FAM20A: variants seen among roughly 807,000 people sequenced by gnomAD.
The protein encoded by FAM20A is pseudokinase FAM20A.
In FAM20A, 42 loss-of-function variants were observed where a neutral mutation model predicts 52.0. The ratio of observed to expected loss-of-function variants is 0.81; its 90% CI spans 0.63 to 1.04. The LOEUF (loss-of-function observed/expected upper bound fraction) is 1.04. Ranked by LOEUF, FAM20A falls within the 50% of genes least tolerant of loss-of-function variation. FAM20A has a pLI of 0.00. For missense variants in FAM20A, 742 were observed against 712.7 expected (o/e 1.04, Z -0.47); for synonymous variants, 304 against 298.9 (o/e 1.02, Z -0.18).
At chr17:68,591,248 G>A (rs149762396) in intron 1 of FAM20A, among the ~76,000 whole-genome samples, 3 of 152,136 alleles carry the variant, frequency 2.0e-5, no homozygotes, top group East Asian at 1.9e-4. Flanking sequence ...CTGGGCGCCC[G>A]CCGCCACGCC....
intron 3 of FAM20A, among the ~76,000 whole-genome samples, chr17:68,552,582 C>CT (rs573981377): frequency 6.6e-6 from 1 of 151,748 alleles, no homozygotes; most frequent in Non-Finnish European, 1.5e-5. Flanking sequence ...CAATACCTCA[C>CT]TCACCTTGTG....
chr17:68,555,775 A>G, intron 1 of FAM20A, 32 bp from the exon 2 acceptor site: 1 of 1,612,976 alleles, frequency 6.2e-7, no homozygotes. Flanking sequence ...TCATTAGAGG[A>G]ACAAGAATGC....
intron 10 of FAM20A, among the ~76,000 whole-genome samples, chr17:68,539,112 A>G (rs1018086598): frequency 6.6e-6 from 1 of 152,216 alleles, no homozygotes. Context: ...ATGCAGTAAA[A>G]ATACCATATT....
chr17:68,544,341 G>C (rs1391768357), intron 4 of FAM20A, among the ~76,000 whole-genome samples: 1 of 152,158 alleles, frequency 6.6e-6, no homozygotes, highest in Non-Finnish European at 1.5e-5. Context: ...ATGAATTCCT[G>C]AAAAGCGCCA....
At chr17:68,590,611 A>T (rs2088277458) in intron 1 of FAM20A, among the ~76,000 whole-genome samples, 1 of 152,254 alleles carries the variant, frequency 6.6e-6, no homozygotes, top group Admixed American at 6.5e-5. Context: ...GTTGGTATAA[A>T]AAGTCTGCAC....
Position 68,536,480 on chromosome 17 carries a change from A to G in FAM20A, c.*997T>C, listed in dbSNP as rs1463089934. ...AGGAATCCCTACTACACTTTCTTCT[A>G]AGGGAGGCTTCAATAAAAAACCTGA... On this transcript the variant is annotated 3_prime_UTR_variant, in exon 11 of 11. Transcript: ENST00000592554. 1 of 454,104 alleles carries G rather than the reference A, an allele frequency of 2.2e-6. No individual in the cohort carries two copies. The highest frequency in any genetic ancestry group is 4.4e-6 in the Non-Finnish European group (1 of 226,780). The allele number at this position is 454,104 out of a possible 1,614,324, so 28.1% of individuals were successfully genotyped here. A position where few individuals can be genotyped will look rare whatever the true frequency, so the allele number is the denominator to read the frequency against.
At chr17:68,569,721 G>A (rs1256314616) in intron 1 of FAM20A, among the ~76,000 whole-genome samples, 2 of 152,154 alleles carry the variant, frequency 1.3e-5, no homozygotes, top group Non-Finnish European at 2.9e-5. Flanking sequence ...CAGTGGTCTA[G>A]GTTCATGTTC....
At chr17:68,550,068 C>T (rs750610755) in intron 4 of FAM20A, among the ~76,000 whole-genome samples, 7 of 151,998 alleles carry the variant, frequency 4.6e-5, no homozygotes, top group African/African-American at 1.4e-4. Flanking sequence ...CCGGTTACAA[C>T]GGGTTGATGG....
chr17:68,583,308 C>T (rs2088067234), intron 1 of FAM20A, among the ~76,000 whole-genome samples: 1 of 152,108 alleles, frequency 6.6e-6, no homozygotes, highest in Admixed American at 6.6e-5. Flanking sequence ...TCTCTCAGTT[C>T]TGGAGTCTGA....
chr17:68,542,211 A>G, intron 6 of FAM20A, 46 bp from the exon 7 acceptor site: 1 of 1,603,058 alleles, frequency 6.2e-7, no homozygotes, highest in Non-Finnish European at 8.5e-7. Context: ...AGGGCTCTGG[A>G]GGCATGACAT....
intron 1 of FAM20A, among the ~76,000 whole-genome samples, chr17:68,586,956 ATGTCG>A (rs1467263193): frequency 1.3e-5 from 2 of 151,528 alleles, no homozygotes; most frequent in African/African-American, 4.9e-5. Flanking sequence ...CAGTGGTGTG[ATGTCG>A]TTCACTGCAA....
chr17:68,572,389 C>G (rs556217417), intron 1 of FAM20A, among the ~76,000 whole-genome samples: 2 of 152,286 alleles, frequency 1.3e-5, no homozygotes, highest in East Asian at 3.9e-4. Context: ...ATTTGTTGAG[C>G]ACTTTCAGAG....
chr17:68,541,332 TC>T (rs1165428045), intron 7 of FAM20A: 2 of 269,606 alleles, frequency 7.4e-6, no homozygotes, highest in East Asian at 1.8e-4. Flanking sequence ...CATGGGCTGT[TC>T]CTGCCCTTTC....
chr17:68,548,934 G>A (rs377393126), intron 4 of FAM20A, among the ~76,000 whole-genome samples: 11 of 151,576 alleles, frequency 7.3e-5, no homozygotes, highest in East Asian at 4.0e-4. Context: ...GGGTTTCACC[G>A]TGTTAGCCAG....
At position 68,542,170 on chromosome 17, in the gene FAM20A, A is replaced by C; in HGVS notation, c.929-5T>G. The C allele has an allele frequency of 1.2e-6, 2 of 1,613,432 alleles. No homozygotes were observed. Among genetic ancestry groups the C allele is most frequent in the Non-Finnish European group, 1.7e-6 (2 of 1,179,650 alleles). On this transcript the variant is annotated splice_region_variant and splice_polypyrimidine_tract_variant and intron_variant, in intron 6 of 10. Coordinates refer to ENST00000592554, the MANE Select transcript of FAM20A (RefSeq NM_017565.4). ...CGAAGAAGCACACGTTGCTCGCTGG[A>C]GGATGGGGAGGAGAGAGGAGGAGTA...
intron 4 of FAM20A, among the ~76,000 whole-genome samples, chr17:68,545,546 G>A (rs1039547410): frequency 1.3e-5 from 2 of 152,236 alleles, no homozygotes; most frequent in Non-Finnish European, 2.9e-5. Context: ...CCTTCAGCAA[G>A]TCATAATCTT....
At chr17:68,555,409 A>T in intron 2 of FAM20A, 150 bp downstream of exon 2, 1 of 902,770 alleles carries the variant, frequency 1.1e-6, no homozygotes. Context: ...GATCTCTTCC[A>T]GAGGGAAAAA....
rs957700339 is a variant in FAM20A, at chr17:68,579,184, G to C, written c.404+21079C>G. Among the ~76,000 whole-genome samples the C allele has an allele frequency of 6.3e-4, 96 of 152,122 alleles. 5 individuals are homozygous for C. The highest frequency in any genetic ancestry group is 1.5e-5 in the Non-Finnish European group (1 of 68,026). ...GGGTCTGTGTCTGGCCTGTTTCTTG[G>C]AGGTGATCCAATGTGCTGGGGAACG... is the stretch of plus-strand genomic sequence containing the variant. On this transcript the variant is annotated intron_variant, in intron 1 of 10. Coordinates refer to ENST00000592554, the MANE Select transcript of FAM20A (RefSeq NM_017565.4).
chr17:68,571,950 G>A (rs1275673659), intron 1 of FAM20A, among the ~76,000 whole-genome samples: 3 of 136,356 alleles, frequency 2.2e-5, no homozygotes, highest in South Asian at 3.1e-4. Context: ...ATATATATAT[G>A]TGTGTGTGTG....
Sources: gnomAD v4.1 joint callset for allele counts (sites outside exome capture counted in the v4.1 genomes callset) on GRCh38, gnomAD v4.1.1 for gene constraint, MANE v1.5 for transcripts, NCBI Gene and HGNC (gene_info 2026-07-23, HGNC 2026-07-21) for gene names.